Variants in WASF2 observed in about 807,000 individuals in gnomAD.
WASF2 encodes WASP family member 2.
In WASF2, 14 loss-of-function variants were observed where a neutral mutation model predicts 45.0. That is an observed-to-expected ratio of 0.31 (90% CI 0.21 to 0.49). The LOEUF (loss-of-function observed/expected upper bound fraction) is 0.49. Among genes scored for constraint, WASF2 ranks in the 20% least tolerant of loss-of-function variants. The pLI is 0.99. For synonymous variants in WASF2, 200 were observed against 236.3 expected, an observed-to-expected ratio of 0.85 and a Z score of 1.41; for missense variants, 439 against 636.1, an observed-to-expected ratio of 0.69 and a Z score of 3.33.
At chr1:27,428,352 C>A (rs1384315020) in intron 2 of WASF2, among the ~76,000 whole-genome samples, 1 of 152,168 alleles carries the variant, frequency 6.6e-6, no homozygotes, top group Admixed American at 6.6e-5. Flanking sequence ...ACATTTGAGG[C>A]TTCAACAAAG....
At chr1:27,472,324 CAAA>C (rs201360272) in intron 1 of WASF2, among the ~76,000 whole-genome samples, 4 of 81,476 alleles carry the variant, frequency 4.9e-5, no homozygotes, top group African/African-American at 8.5e-5. Flanking sequence ...GACGCCAACT[CAAA>C]AAAAAAAAAA....
At chr1:27,426,301 G>C (rs1056369306) in intron 2 of WASF2, among the ~76,000 whole-genome samples, 2 of 152,192 alleles carry the variant, frequency 1.3e-5, no homozygotes, top group Non-Finnish European at 2.9e-5. Context: ...CTCTGGCAGG[G>C]ATATAGGAAC....
intron 1 of WASF2, among the ~76,000 whole-genome samples, chr1:27,462,458 T>A (rs1476275276): frequency 6.6e-6 from 1 of 152,120 alleles, no homozygotes; most frequent in African/African-American, 2.4e-5. Context: ...GTCTCACTAA[T>A]GCTCTTGAAG....
intron 1 of WASF2, among the ~76,000 whole-genome samples, chr1:27,430,716 A>T (rs1297296639): frequency 6.6e-6 from 1 of 151,752 alleles, no homozygotes; most frequent in African/African-American, 2.4e-5. Flanking sequence ...ACAGCTCACT[A>T]CATTCTTGAC....
chr1:27,409,452 AAAAAG>A (rs1557594403), intron 8 of WASF2, among the ~76,000 whole-genome samples: 3 of 146,266 alleles, frequency 2.1e-5, no homozygotes, highest in African/African-American at 8.1e-5. Context: ...AAAAAAAAAA[AAAAAG>A]AAAAGAAAAG....
At chr1:27,440,048 C>T (rs2017188558) in intron 1 of WASF2, among the ~76,000 whole-genome samples, 1 of 152,068 alleles carries the variant, frequency 6.6e-6, no homozygotes, top group Admixed American at 6.5e-5. Context: ...AGTATCTGAA[C>T]TGGATAGAAT....
chr1:27,474,781 AT>A (rs2017742350), intron 1 of WASF2, among the ~76,000 whole-genome samples: 1 of 151,760 alleles, frequency 6.6e-6, no homozygotes, highest in Non-Finnish European at 1.5e-5. Context: ...CAAAAAAAAA[AT>A]AAAAATAAAA....
intron 1 of WASF2, among the ~76,000 whole-genome samples, chr1:27,477,670 C>T (rs1274210344): frequency 1.4e-5 from 2 of 142,370 alleles, no homozygotes; most frequent in African/African-American, 5.7e-5. Context: ...GAGGCCGAGG[C>T]GGGCGGATCA....
intron 8 of WASF2, 73 bp downstream of exon 8, chr1:27,409,619 C>G: frequency 7.2e-7 from 1 of 1,393,076 alleles, no homozygotes; most frequent in Non-Finnish European, 9.3e-7. Flanking sequence ...ACCCCCTCAC[C>G]CATCCCCCAA....
intron 1 of WASF2, 60 bp from the exon 2 acceptor site, chr1:27,428,993 G>T (rs1316353928): frequency 1.2e-4 from 118 of 1,015,356 alleles, no homozygotes; most frequent in Non-Finnish European, 1.4e-4. Flanking sequence ...CACTAGGGCT[G>T]TGTGAATCTT....
chr1:27,437,499 C>T (rs546801808), intron 1 of WASF2, among the ~76,000 whole-genome samples: 150 of 152,234 alleles, frequency 9.9e-4, no homozygotes, highest in South Asian at 1.7e-3. Flanking sequence ...AAGATTTACC[C>T]GCATAAAGTA....
chr1:27,477,898 C>CAAA (rs777021949), intron 1 of WASF2, among the ~76,000 whole-genome samples: 1,631 of 49,864 alleles, frequency 0.033, 55 homozygotes, highest in Non-Finnish European at 0.042. Flanking sequence ...GACTCCGTCT[C>CAAA]AAAAAAAAAA....
intron 1 of WASF2, among the ~76,000 whole-genome samples, chr1:27,458,096 G>A (rs1571151377): frequency 6.6e-6 from 1 of 151,796 alleles, no homozygotes; most frequent in Non-Finnish European, 1.5e-5. Flanking sequence ...GATTGCCTGA[G>A]CTCAGGAGTT....
At position 27,461,082 on chromosome 1, in the gene WASF2, C is replaced by G. The variant is rs2017537867; in HGVS notation, c.-44+28904G>C. ...AATGGCGTGAACCCGGGAGGCGGAGCTTGCAGGGAGCAGAGATCACGCCAC... is the reference window on the plus strand; with the variant it reads ...AATGGCGTGAACCCGGGAGGCGGAGGTTGCAGGGAGCAGAGATCACGCCAC... On this transcript the variant is annotated intron_variant, in intron 1 of 8. Transcript: ENST00000618852. Among the ~76,000 whole-genome samples the G allele has an allele frequency of 2.0e-5, 3 of 152,012 alleles. No individual in the cohort carries two copies. In the South Asian group the frequency reaches 6.2e-4, roughly 32 times the overall value.
intron 1 of WASF2, among the ~76,000 whole-genome samples, chr1:27,480,146 T>C (rs1159729820): frequency 6.6e-6 from 1 of 152,162 alleles, no homozygotes; most frequent in African/African-American, 2.4e-5. Context: ...GGAGTATCAA[T>C]AGGCATGACC....
rs1440045848 is a variant in WASF2, at chr1:27,406,665, T to C, written c.*1524A>G. 6.6e-6 allele frequency: 1 copy of C among 152,366 alleles called. No homozygotes were observed. 9.4% of individuals were successfully genotyped at this position (152,366 alleles called of 1,614,324 possible). A position where few individuals can be genotyped will look rare whatever the true frequency, so the allele number is the denominator to read the frequency against. On this transcript the variant is annotated 3_prime_UTR_variant, in exon 9 of 9. Transcript: ENST00000618852. ...TGTTGGCTAGAGCTGACCAGTTTTT[T>C]TCTGAATAATAGCACCTGTGTATTA...
intron 2 of WASF2, 73 bp downstream of exon 2, chr1:27,428,688 G>A: frequency 1.2e-6 from 2 of 1,608,956 alleles, no homozygotes; most frequent in South Asian, 1.1e-5. Context: ...TAGGAACGCG[G>A]GAGGAGAAGG....
At chr1:27,470,203 C>A (rs551194968) in intron 1 of WASF2, among the ~76,000 whole-genome samples, 2 of 152,248 alleles carry the variant, frequency 1.3e-5, no homozygotes, top group African/African-American at 4.8e-5. Context: ...GCTGGAAAGA[C>A]AAGTAGGGGC....
In WASF2 at chr1:27,408,234, T is replaced by C. The variant is rs1203408427; in HGVS notation, c.1452A>G (p.Ser484=). The part of the protein sequence containing the change: ...SRRIAVEYSD[S]EDDSSEFDED... ...CATCAAATTCAGAGGAGTCATCTTC[T>C]GAGTCACTGTACTCAACAGCAATGC... The change falls in exon 9 of 9, where the codon TCA becomes TCG. Residue 484 remains serine, a synonymous_variant. Coordinates refer to ENST00000618852, the MANE Select transcript of WASF2 (RefSeq NM_006990.5). 6.2e-7 allele frequency: 1 copy of C among 1,614,112 alleles called. No individual in the cohort carries two copies. Among genetic ancestry groups the C allele is most frequent in the African/African-American group, 1.3e-5 (1 of 74,944 alleles).
Sources: gnomAD v4.1 joint callset for allele counts (sites outside exome capture counted in the v4.1 genomes callset) on GRCh38, gnomAD v4.1.1 for gene constraint, MANE v1.5 for transcripts, NCBI Gene and HGNC (gene_info 2026-07-23, HGNC 2026-07-21) for gene names.